The following DPP6 variants were observed in gnomAD, a reference collection of about 807,000 sequenced individuals.
DPP6 encodes the protein dipeptidyl peptidase like 6.
In DPP6, 69 loss-of-function variants were observed where a neutral mutation model predicts 122.6. The observed-to-expected ratio is 0.56, with a 90% CI of 0.46 to 0.69. The LOEUF (loss-of-function observed/expected upper bound fraction) is 0.69, where lower values mean the gene tolerates loss of function less well. Ranked by LOEUF, DPP6 falls within the 30% of genes least tolerant of loss-of-function variation. The pLI is 0.00. For synonymous variants in DPP6, 418 were observed against 433.1 expected (o/e 0.97, Z 0.43); for missense variants, 928 against 1,116.9 (o/e 0.83, Z 2.41).
chr7:153,874,895 A>G, the DPP6 span, among the ~76,000 whole-genome samples: 4 of 152,238 alleles, frequency 2.6e-5, no homozygotes, highest in African/African-American at 9.6e-5. Flanking sequence ...TAGATGTTGG[A>G]AACCTCTAGT....
At chr7:154,464,478 C>T (rs115956237) in intron 2 of DPP6, among the ~76,000 whole-genome samples, 262 of 152,252 alleles carry the variant, frequency 1.7e-3, no homozygotes, top group African/African-American at 5.6e-3. Context: ...AATTGGTGTT[C>T]CTATAGAGAG....
At position 154,483,388 on chromosome 7, in the gene DPP6, A is replaced by ATT. The variant is rs5888575; in HGVS notation, c.457+8363_457+8364dup. 0.34 allele frequency among the ~76,000 whole-genome samples: 51,640 copies of ATT among 149,708 alleles called. 8,853 individuals carry two copies. Among genetic ancestry groups the ATT allele is most frequent in the Middle Eastern group, 0.44 (127 of 290 alleles). On this transcript the variant is annotated intron_variant, in intron 3 of 25. Transcript: ENST00000377770. The surrounding 1 kb of genome is among the most constrained non-coding windows in gnomAD (Gnocchi z 8.1). ...TAAAGGTAAACTGAGGCACAATACA[A>ATT]TTTTTTTTTTTTTAAAAGCATTTAT...
chr7:154,079,312 G>A lies in DPP6; in HGVS notation c.243+26249G>A, dbSNP rs528793264. 1.3e-3 allele frequency among the ~76,000 whole-genome samples: 190 copies of A among 151,772 alleles called. 2 individuals carry two copies. The highest frequency in any genetic ancestry group is 4.4e-3 in the African/African-American group (184 of 41,390). The stretch of plus-strand genomic sequence containing the variant: ...ACTGCCAACTCACAAAGTTTTATTG[G>A]GCACCTGTTACCTGTTCAGCAGAGA... On this transcript the variant is annotated intron_variant, in intron 1 of 25. Coordinates refer to ENST00000377770, the MANE Select transcript of DPP6 (RefSeq NM_130797.4).
chr7:154,742,430 C>A (rs1842857789), intron 8 of DPP6, among the ~76,000 whole-genome samples: 1 of 152,194 alleles, frequency 6.6e-6, no homozygotes. Context: ...TTTAAAACTG[C>A]AGAAACATGA....
chr7:153,756,555 T>G, the DPP6 span, among the ~76,000 whole-genome samples: 1 of 152,256 alleles, frequency 6.6e-6, no homozygotes, highest in Non-Finnish European at 1.5e-5. Flanking sequence ...TCACTAACAC[T>G]TGCTGTTAGC....
chr7:154,827,733 G>T lies in DPP6; in HGVS notation c.1666+20621G>T, dbSNP rs1322954942. On this transcript the variant is annotated intron_variant, in intron 16 of 25. Coordinates refer to ENST00000377770, the MANE Select transcript of DPP6 (RefSeq NM_130797.4). ...CCAGAAAGGACGGCTGGCGGGGGGG[G>T]GGTGGTGTCGGAGCCCAAGTGGAGT... Among the ~76,000 whole-genome samples the T allele has an allele frequency of 6.7e-3, 812 of 121,792 alleles. 41 individuals carry two copies. The highest frequency in any genetic ancestry group is 0.025 in the African/African-American group (772 of 31,432). The allele number at this position is 121,792 out of a possible 152,430, so 79.9% of individuals were successfully genotyped here.
chr7:154,860,888 G>C (rs1803329653), intron 17 of DPP6, among the ~76,000 whole-genome samples: 1 of 152,224 alleles, frequency 6.6e-6, no homozygotes, highest in Admixed American at 6.5e-5. Flanking sequence ...TCCAGCAAAT[G>C]CACAAACCCA....
chr7:154,612,635 G>A (rs1833983596), intron 5 of DPP6, among the ~76,000 whole-genome samples: 1 of 152,182 alleles, frequency 6.6e-6, no homozygotes, highest in Admixed American at 6.5e-5. Context: ...GTGAGTGTAA[G>A]TTTTCATTTC....
chr7:153,752,954 T>C, the DPP6 span, among the ~76,000 whole-genome samples: 9 of 152,158 alleles, frequency 5.9e-5, no homozygotes, highest in Admixed American at 1.3e-4. Context: ...AATCCCCATG[T>C]AACAGTTTGC....
At chr7:153,918,427 AACACAC>A (rs5888535) in intron 1 of DPP6, among the ~76,000 whole-genome samples, 13,677 of 110,012 alleles carry the variant, frequency 0.12, 1,052 homozygotes, top group African/African-American at 0.17. Flanking sequence ...AGTTAATTAA[AACACAC>A]ACACACACAC....
chr7:154,403,788 A>G lies in DPP6; in HGVS notation c.244-42426A>G, dbSNP rs908953886. Among the ~76,000 whole-genome samples the G allele has an allele frequency of 8.5e-5, 13 of 152,184 alleles. No homozygotes were observed. The highest frequency in any genetic ancestry group is 2.9e-4 in the African/African-American group (12 of 41,428). Reference sequence around the variant, plus strand: ...TACACTTCTGGTCTTTTGGTTCTCAATACCTCGGGGTGTAAAGGACAGCTC... The same window carrying G: ...TACACTTCTGGTCTTTTGGTTCTCAGTACCTCGGGGTGTAAAGGACAGCTC... On this transcript the variant is annotated intron_variant, in intron 1 of 25. Transcript: ENST00000377770. The surrounding 1 kb of genome is among the most constrained non-coding windows in gnomAD (Gnocchi z 4.1).
chr7:154,313,240 C>T (rs1323039361), intron 1 of DPP6, among the ~76,000 whole-genome samples: 1 of 152,118 alleles, frequency 6.6e-6, no homozygotes, highest in Non-Finnish European at 1.5e-5. Flanking sequence ...AGCTCAAGGT[C>T]AGGAGAGAGC....
intron 1 of DPP6, among the ~76,000 whole-genome samples, chr7:154,255,531 A>T (rs1297777739): frequency 6.6e-6 from 1 of 152,076 alleles, no homozygotes; most frequent in Non-Finnish European, 1.5e-5. Flanking sequence ...GGAAGCCAGG[A>T]GGGAGCAGGT....
chr7:154,834,897 T>C (rs1800928913), intron 16 of DPP6, among the ~76,000 whole-genome samples: 1 of 151,944 alleles, frequency 6.6e-6, no homozygotes, highest in Non-Finnish European at 1.5e-5. Flanking sequence ...CCTGCAAAGG[T>C]TTGTTGTGAT....
chr7:154,365,482 C>T (rs1812076837), intron 1 of DPP6, among the ~76,000 whole-genome samples: 1 of 152,178 alleles, frequency 6.6e-6, no homozygotes, highest in Admixed American at 6.5e-5. Flanking sequence ...CCCTTCTTCT[C>T]TTCCTGTGAA....
At chr7:154,155,759 G>A (rs1052443536) in intron 1 of DPP6, among the ~76,000 whole-genome samples, 10 of 152,208 alleles carry the variant, frequency 6.6e-5, no homozygotes, top group Non-Finnish European at 1.3e-4. Context: ...CCTTCTCTCA[G>A]ACGGCTGGCC....
At position 154,129,920 on chromosome 7, in the gene DPP6, A is replaced by AAAG. The variant is rs1166938230; in HGVS notation, c.243+76859_243+76860insGAA. On this transcript the variant is annotated intron_variant, in intron 1 of 25. Transcript: ENST00000377770. ...GTCTCAAAAAAAAAAAAAGAAAAAG[A>AAAG]AAAAAATTAGCTGGGCATGGTGACA... Among the ~76,000 whole-genome samples the AAAG allele has an allele frequency of 3.6e-3, 539 of 151,110 alleles. 5 individuals are homozygous for AAAG. Among genetic ancestry groups the AAAG allele is most frequent in the African/African-American group, 0.013 (515 of 40,960 alleles).
chr7:153,857,549 G>A, the DPP6 span, among the ~76,000 whole-genome samples: 50 of 152,220 alleles, frequency 3.3e-4, no homozygotes, highest in African/African-American at 1.1e-3. Flanking sequence ...TTCTTTTACC[G>A]GAGAAGGTTT....
chr7:153,929,600 A>C lies in DPP6; in HGVS notation c.51+41866A>C, dbSNP rs527920970. On this transcript the variant is annotated intron_variant, in intron 1 of 25. Coordinates refer to the DPP6 transcript ENST00000404039. The stretch of plus-strand genomic sequence containing the variant: ...GAGAGAGCAGCCCTGGGGAAAGTAC[A>C]GACTTGTCAAGCTATTGATAGCATA... Among the ~76,000 whole-genome samples the C allele has an allele frequency of 5.9e-5, 9 of 152,200 alleles. No homozygotes were observed. In the South Asian group the frequency reaches 1.9e-3, roughly 32 times the overall value.
Sources: gnomAD v4.1 joint callset for allele counts (sites outside exome capture counted in the v4.1 genomes callset) on GRCh38, gnomAD v4.1.1 for gene constraint, Gnocchi (gnomAD v3.1) non-coding constraint, MANE v1.5 for transcripts, NCBI Gene and HGNC (gene_info 2026-07-23, HGNC 2026-07-21) for gene names.